Variants in ZC3H3 observed in about 807,000 individuals in gnomAD.
ZC3H3 encodes the protein zinc finger CCCH-type containing 3.
ZC3H3 carries 36 observed loss-of-function variants against 77.3 expected under a neutral mutation model. The observed-to-expected ratio is 0.47, with a 90% CI of 0.36 to 0.61. The LOEUF (loss-of-function observed/expected upper bound fraction) is 0.61. Ranked by LOEUF, ZC3H3 falls within the 20% of genes least tolerant of loss-of-function variation. The pLI is 0.00. For missense variants in ZC3H3, 1,331 were observed against 1,312.2 expected, an observed-to-expected ratio of 1.01 and a Z score of -0.22; for synonymous variants, 626 against 555.2, an observed-to-expected ratio of 1.13 and a Z score of -1.79.
Position 143,441,097 on chromosome 8 carries a change from C to A in ZC3H3, c.2331G>T (p.Leu777=), listed in dbSNP as rs1364819735. ...CCCCCCTGCGGGCAAAGTCGGGGCA[C>A]AGCAGCGTGTGTTTCTTCTTGCACT... ...GAKCKKKHTL[L]CPDFARRGAC... Residue 777 remains leucine (L), a synonymous_variant, in exon 10 of 12, where the codon CTG becomes CTT. Coordinates refer to ENST00000262577, the MANE Select transcript of ZC3H3 (RefSeq NM_015117.3). 2.1e-6 allele frequency: 3 copies of A among 1,453,732 alleles called. No individual in the cohort carries two copies. In the African/African-American group the frequency reaches 4.5e-5, roughly 22 times the overall value. The allele number at this position is 1,453,732 out of a possible 1,614,324, so 90.1% of individuals were successfully genotyped here. A position where few individuals can be genotyped will look rare whatever the true frequency, so the allele number is the denominator to read the frequency against.
intron 3 of ZC3H3, among the ~76,000 whole-genome samples, chr8:143,532,014 G>A (rs967998818): frequency 3.3e-5 from 5 of 152,238 alleles, no homozygotes; most frequent in Admixed American, 6.5e-5. Context: ...CGGCAATTAC[G>A]CTGCAATAGT....
At chr8:143,471,528 T>TGCCC (rs149492869) in intron 5 of ZC3H3, among the ~76,000 whole-genome samples, 2,483 of 152,336 alleles carry the variant, frequency 0.016, 59 homozygotes, top group African/African-American at 0.057. Context: ...CTGGGGCCTC[T>TGCCC]GCCCCACCAC....
intron 3 of ZC3H3, among the ~76,000 whole-genome samples, chr8:143,520,494 C>T (rs554520927): frequency 1.3e-5 from 2 of 152,186 alleles, no homozygotes; most frequent in Non-Finnish European, 2.9e-5. Context: ...CAGTGGGAAC[C>T]GGCTGGGAAG....
At chr8:143,440,815 T>C (rs1433758900) in intron 10 of ZC3H3, 121 bp downstream of exon 10, 2 of 1,138,674 alleles carry the variant, frequency 1.8e-6, no homozygotes, top group Non-Finnish European at 2.3e-6. Flanking sequence ...AGGGATTTCT[T>C]TCTGGTCTGA....
chr8:143,513,444 C>T (rs972657088), intron 3 of ZC3H3, among the ~76,000 whole-genome samples: 2 of 152,160 alleles, frequency 1.3e-5, no homozygotes, highest in Admixed American at 1.3e-4. Flanking sequence ...CTGCTGCACA[C>T]CCAACACCAG....
chr8:143,480,434 G>A (rs979355579), intron 4 of ZC3H3, among the ~76,000 whole-genome samples: 5 of 152,310 alleles, frequency 3.3e-5, no homozygotes, highest in South Asian at 2.1e-4. Flanking sequence ...AGCAGCCCCC[G>A]CGCCATGTCA....
intron 3 of ZC3H3, among the ~76,000 whole-genome samples, chr8:143,517,787 A>AC (rs912615328): frequency 3.3e-5 from 5 of 150,226 alleles, no homozygotes; most frequent in African/African-American, 9.8e-5. Context: ...CTCTGCTTTG[A>AC]CCCCCCGCTC....
intron 3 of ZC3H3, chr8:143,523,499 TAC>T: frequency 3.0e-6 from 3 of 985,258 alleles, no homozygotes; most frequent in Non-Finnish European, 3.6e-6. Flanking sequence ...CATGTGGCCC[TAC>T]AGACGGAAGC....
chr8:143,514,882 C>T (rs1441651284), intron 3 of ZC3H3, among the ~76,000 whole-genome samples: 1 of 152,020 alleles, frequency 6.6e-6, no homozygotes, highest in African/African-American at 2.4e-5. Context: ...TCTCTCTGCC[C>T]TCCTCAGTCC....
At chr8:143,452,580 T>A in intron 9 of ZC3H3, among the ~76,000 whole-genome samples, 1 of 151,978 alleles carries the variant, frequency 6.6e-6, no homozygotes, top group Middle Eastern at 3.2e-3. Flanking sequence ...CACTTCTACA[T>A]GCAATACAAA....
chr8:143,503,583 G>A lies in ZC3H3; in HGVS notation c.1715+4163C>T, dbSNP rs28651719. On this transcript the variant is annotated intron_variant, in intron 4 of 11. Coordinates refer to ENST00000262577, the MANE Select transcript of ZC3H3 (RefSeq NM_015117.3). The stretch of plus-strand genomic sequence containing the variant: ...CCAACACCTCCCCCAGCACCCAGCC[G>A]GCTCCACCACCACCTCCCCCAGCAC... Among the ~76,000 whole-genome samples the A allele has an allele frequency of 7.4e-3, 563 of 75,808 alleles. 10 individuals carry two copies. Among genetic ancestry groups the A allele is most frequent in the African/African-American group, 0.029 (532 of 18,458 alleles). 49.7% of individuals were successfully genotyped at this position (75,808 alleles called of 152,430 possible).
chr8:143,521,006 G>C (rs1185738079), intron 3 of ZC3H3, among the ~76,000 whole-genome samples: 2 of 152,236 alleles, frequency 1.3e-5, no homozygotes, highest in African/African-American at 4.8e-5. Context: ...CAGCCACACA[G>C]GTAGACGGCC....
chr8:143,521,008 T>C (rs1364291776), intron 3 of ZC3H3, among the ~76,000 whole-genome samples: 3 of 152,040 alleles, frequency 2.0e-5, no homozygotes, highest in Non-Finnish European at 4.4e-5. Context: ...GCCACACAGG[T>C]AGACGGCCCG....
At position 143,479,800 on chromosome 8, in the gene ZC3H3, G is replaced by C. The variant is rs140765981; in HGVS notation, c.1716-4215C>G. On this transcript the variant is annotated intron_variant, in intron 4 of 11. Coordinates refer to ENST00000262577, the MANE Select transcript of ZC3H3 (RefSeq NM_015117.3). ...GGCTGGGCCTCCCCTCTCCTCCCTG[G>C]GGGGGGACAAAGGCCAGGAGGGGGA... Among the ~76,000 whole-genome samples the C allele has an allele frequency of 1.8e-3, 272 of 152,254 alleles. 1 individual carries two copies. Among genetic ancestry groups the C allele is most frequent in the Middle Eastern group, 0.014 (4 of 294 alleles).
rs1434923940 is a variant in ZC3H3, at chr8:143,462,270, C to T, written c.2307+3447G>A. On this transcript the variant is annotated intron_variant, in intron 9 of 11. Coordinates refer to ENST00000262577, the MANE Select transcript of ZC3H3 (RefSeq NM_015117.3). This position sits in a 1 kb window ranked among gnomAD's most constrained non-coding sequence, Gnocchi z 4.7. Reference sequence around the variant, plus strand: ...GAGGCCAGAGGAGGAAGTAACCGTGCAGGGACAAGCGACACCCACAGCTGC... The same window carrying T: ...GAGGCCAGAGGAGGAAGTAACCGTGTAGGGACAAGCGACACCCACAGCTGC... Among the ~76,000 whole-genome samples the T allele has an allele frequency of 6.6e-6, 1 of 152,160 alleles. No individual in the cohort carries two copies. The highest frequency in any genetic ancestry group is 1.5e-5 in the Non-Finnish European group (1 of 68,028).
chr8:143,456,186 T>A (rs1044771047), intron 9 of ZC3H3, among the ~76,000 whole-genome samples: 7 of 150,526 alleles, frequency 4.7e-5, no homozygotes, highest in African/African-American at 1.7e-4. Context: ...GTAAATCAAA[T>A]AAAAATTCTA....
In ZC3H3 at chr8:143,495,575, C is replaced by T. The variant is rs115273259; in HGVS notation, c.1715+12171G>A. On this transcript the variant is annotated intron_variant, in intron 4 of 11. Coordinates refer to ENST00000262577, the MANE Select transcript of ZC3H3 (RefSeq NM_015117.3). ...GAGGTATGCGTTGCGCAGGTGCATG[C>T]GTTTTGGGGTTTCTGTTGTTGTTTT... 5.6e-3 allele frequency among the ~76,000 whole-genome samples: 851 copies of T among 152,122 alleles called. 7 individuals carry two copies. Among genetic ancestry groups the T allele is most frequent in the African/African-American group, 0.018 (759 of 41,492 alleles).
intron 4 of ZC3H3, among the ~76,000 whole-genome samples, chr8:143,478,383 G>A (rs758669045): frequency 3.3e-5 from 5 of 152,212 alleles, no homozygotes; most frequent in East Asian, 1.9e-4. Flanking sequence ...AGAGGCATCA[G>A]GGCCTCTGGG....
At position 143,462,839 on chromosome 8, in the gene ZC3H3, C is replaced by T. The variant is rs1041300237; in HGVS notation, c.2307+2878G>A. Among the ~76,000 whole-genome samples, 6 of 152,202 alleles carry T rather than the reference C, an allele frequency of 3.9e-5. No individual in the cohort carries two copies. The highest frequency in any genetic ancestry group is 1.4e-4 in the African/African-American group (6 of 41,454). Reference sequence around the variant, plus strand: ...GCTCCCCAGCCCTGTGCACTGGGGGCGCTGGCAGCAGCCAACACCCTAGCT... The same window carrying T: ...GCTCCCCAGCCCTGTGCACTGGGGGTGCTGGCAGCAGCCAACACCCTAGCT... On this transcript the variant is annotated intron_variant, in intron 9 of 11. Transcript: ENST00000262577. This position sits in a 1 kb window ranked among gnomAD's most constrained non-coding sequence, Gnocchi z 4.7.
Sources: gnomAD v4.1 joint callset for allele counts (sites outside exome capture counted in the v4.1 genomes callset) on GRCh38, gnomAD v4.1.1 for gene constraint, Gnocchi (gnomAD v3.1) non-coding constraint, MANE v1.5 for transcripts, NCBI Gene and HGNC (gene_info 2026-07-23, HGNC 2026-07-21) for gene names.